DZIP1: variants seen among roughly 807,000 people sequenced by gnomAD.
DZIP1 encodes cilium assembly protein DZIP1.
In DZIP1, 97 loss-of-function variants were observed where a neutral mutation model predicts 107.6. That is an observed-to-expected ratio of 0.90 (90% confidence interval 0.77 to 1.07). The LOEUF is 1.07. Ranked by LOEUF, DZIP1 falls within the 50% of genes least tolerant of loss-of-function variation. The probability of loss-of-function intolerance (pLI) is 0.00; values close to 1 mark genes in which losing one functional copy is unlikely to be tolerated. For missense variants in DZIP1, 1,035 were observed against 1,063.6 expected (o/e 0.97, Z 0.37); for synonymous variants, 390 against 386.4 (o/e 1.01, Z -0.11).
At chr13:95,630,174 T>C in intron 6 of DZIP1, 61 bp from the exon 7 acceptor site, 14 of 1,564,832 alleles carry the variant, frequency 8.9e-6, no homozygotes, top group East Asian at 2.3e-5. Context: ...TGGAAACTTA[T>C]GGGGTACAGT....
intron 13 of DZIP1, 34 bp downstream of exon 13, chr13:95,609,423 C>T (rs758566495): frequency 1.4e-6 from 2 of 1,429,572 alleles, no homozygotes; most frequent in Non-Finnish European, 1.9e-6. Flanking sequence ...TTTAAAGATA[C>T]CTTTGGAGCC....
chr13:95,578,283 T>C lies in DZIP1; in HGVS notation c.*3951A>G. 3.9e-6 allele frequency: 1 copy of C among 253,372 alleles called. No homozygotes were observed. Among genetic ancestry groups the C allele is most frequent in the Non-Finnish European group, 7.6e-6 (1 of 132,258 alleles). The allele number at this position is 253,372 out of a possible 1,614,324, so 15.7% of individuals were successfully genotyped here. ...ATTTATATAGAACATGAAAAGCATT[T>C]AGTACCAAAGGTTCAAGAAGTATTC... On this transcript the variant is annotated 3_prime_UTR_variant, in exon 23 of 23. Coordinates refer to ENST00000376829, the MANE Select transcript of DZIP1 (RefSeq NM_198968.4).
chr13:95,615,230 T>C (rs1874906487), intron 10 of DZIP1, among the ~76,000 whole-genome samples: 1 of 152,122 alleles, frequency 6.6e-6, no homozygotes, highest in South Asian at 2.1e-4. Flanking sequence ...TGACAAAGTA[T>C]AAAAACTGTA....
intron 15 of DZIP1, 109 bp from the exon 16 acceptor site, chr13:95,594,195 G>C: frequency 1.1e-6 from 1 of 902,172 alleles, no homozygotes; most frequent in Non-Finnish European, 1.6e-6. Context: ...GTAAGTATTT[G>C]TGATGTTTTA....
At position 95,638,146 on chromosome 13, in the gene DZIP1, A is replaced by G. The variant is rs368521129; in HGVS notation, c.597+3149T>C. Among the ~76,000 whole-genome samples, 18 of 143,060 alleles carry G rather than the reference A, an allele frequency of 1.3e-4. 2 individuals are homozygous for G. The highest frequency in any genetic ancestry group is 1.0e-3 in the East Asian group (5 of 4,892). The allele number at this position is 143,060 out of a possible 152,430, so 93.9% of individuals were successfully genotyped here. A position where few individuals can be genotyped will look rare whatever the true frequency, so the allele number is the denominator to read the frequency against. On this transcript the variant is annotated intron_variant, in intron 5 of 22. Coordinates refer to ENST00000376829, the MANE Select transcript of DZIP1 (RefSeq NM_198968.4). Reference sequence around the variant, plus strand: ...CTCTTGTCACCCAGGATGGAGAGCAATGGCGTGATCCCAGCTCATTGCAAC... The same window carrying G: ...CTCTTGTCACCCAGGATGGAGAGCAGTGGCGTGATCCCAGCTCATTGCAAC...
At chr13:95,617,891 C>A in intron 10 of DZIP1, 2 of 518,782 alleles carry the variant, frequency 3.9e-6, no homozygotes, top group South Asian at 2.8e-5. Flanking sequence ...GTGGGCCCTG[C>A]AGACAGCCTG....
chr13:95,597,081 G>C (rs1229878317), intron 15 of DZIP1, among the ~76,000 whole-genome samples: 3 of 152,164 alleles, frequency 2.0e-5, no homozygotes, highest in African/African-American at 7.2e-5. Flanking sequence ...CCTAAATGTG[G>C]CAGCACCCAA....
chr13:95,589,904 G>T lies in DZIP1; in HGVS notation c.1872C>A (p.Thr624=), dbSNP rs776666096. The change falls in exon 18 of 23, where the codon ACC becomes ACA. Residue 624 remains threonine (T), a synonymous_variant. Transcript: ENST00000376829. ...SDQCSVSQMD[T]LSTGEVPKMI... is the part of the protein sequence containing the mutation. ...TTTTGGGTACTTCTCCAGTTGAAAG[G>T]GTATCCATTTGAGAAACACTGCACT... is the stretch of plus-strand genomic sequence containing the variant. 1 of 1,614,088 alleles carries T rather than the reference G, an allele frequency of 6.2e-7. No individual in the cohort carries two copies. Among genetic ancestry groups the T allele is most frequent in the Non-Finnish European group, 8.5e-7 (1 of 1,180,000 alleles).
intron 14 of DZIP1, among the ~76,000 whole-genome samples, chr13:95,599,718 CA>C (rs1425613399): frequency 2.0e-5 from 3 of 152,142 alleles, no homozygotes; most frequent in African/African-American, 7.2e-5. Flanking sequence ...TTTTAAGACA[CA>C]AGGGCACAAC....
intron 14 of DZIP1, among the ~76,000 whole-genome samples, chr13:95,602,931 G>A (rs745605391): frequency 6.6e-6 from 1 of 152,180 alleles, no homozygotes. Context: ...TCATGTATTG[G>A]ACAATAAACT....
At position 95,643,191 on chromosome 13, in the gene DZIP1, C is replaced by T. The variant is rs910347249; in HGVS notation, c.-361G>A. 6.6e-6 allele frequency: 1 copy of T among 152,094 alleles called. No individual in the cohort carries two copies. Among genetic ancestry groups the T allele is most frequent in the Non-Finnish European group, 1.5e-5 (1 of 68,018 alleles). The allele number at this position is 152,094 out of a possible 1,614,324, so 9.4% of individuals were successfully genotyped here. ...CAGAGATCAATAAGCTGAGGAAAAG[C>T]CAGACATTCCCCAATCCACCGGGGA... On this transcript the variant is annotated 5_prime_UTR_variant, in exon 3 of 23. The change creates a premature stop within an existing upstream ORF in the 5' untranslated region. Coordinates refer to ENST00000376829, the MANE Select transcript of DZIP1 (RefSeq NM_198968.4).
intron 5 of DZIP1, among the ~76,000 whole-genome samples, chr13:95,640,400 T>C (rs1021835904): frequency 6.6e-5 from 10 of 152,200 alleles, no homozygotes; most frequent in African/African-American, 2.4e-4. Context: ...CTCTCCAGCA[T>C]TCATGCATCA....
chr13:95,587,493 T>C (rs1384804177), intron 20 of DZIP1, 46 bp downstream of exon 20: 26 of 1,594,720 alleles, frequency 1.6e-5, no homozygotes, highest in Non-Finnish European at 2.1e-5. Context: ...TGAGGACAAC[T>C]GTCCTAAATA....
At chr13:95,629,371 G>A (rs1478563295) in intron 7 of DZIP1, among the ~76,000 whole-genome samples, 1 of 152,162 alleles carries the variant, frequency 6.6e-6, no homozygotes, top group African/African-American at 2.4e-5. Flanking sequence ...CTCTGAACAA[G>A]TCATTCCAAG....
At chr13:95,608,686 C>G (rs925704434) in intron 13 of DZIP1, among the ~76,000 whole-genome samples, 6 of 152,180 alleles carry the variant, frequency 3.9e-5, no homozygotes, top group African/African-American at 1.4e-4. Flanking sequence ...CTTCAAGAAG[C>G]CTCCAAGAAG....
intron 19 of DZIP1, 92 bp from the exon 20 acceptor site, chr13:95,587,821 C>G: frequency 5.0e-6 from 7 of 1,407,928 alleles, no homozygotes; most frequent in Non-Finnish European, 6.6e-6. Context: ...GTGGTGGCAC[C>G]TTTCTCAGGT....
In DZIP1 at chr13:95,639,606, A is replaced by G. The variant is rs537192066; in HGVS notation, c.597+1689T>C. Among the ~76,000 whole-genome samples the G allele has an allele frequency of 2.2e-3, 327 of 149,082 alleles. 2 individuals are homozygous for G. The highest frequency in any genetic ancestry group is 7.2e-3 in the African/African-American group (286 of 39,510). ...ACTCCATCTCAAAAAAAAAAAAAAA[A>G]AGAGAGAGAGAGAGAAAGAGAAAGA... On this transcript the variant is annotated intron_variant, in intron 5 of 22. Coordinates refer to ENST00000376829, the MANE Select transcript of DZIP1 (RefSeq NM_198968.4).
chr13:95,590,691 T>A (rs2044288642), intron 16 of DZIP1, among the ~76,000 whole-genome samples: 1 of 152,032 alleles, frequency 6.6e-6, no homozygotes, highest in Non-Finnish European at 1.5e-5. Flanking sequence ...ACCCAATGAG[T>A]CTACAAAGGC....
Position 95,609,452 on chromosome 13 carries a change from C to G in DZIP1, c.1420+5G>C. ...TGGAGCCCTGCATCTATTATAGGAA[C>G]TTACTAGGCACAGCTGGAGCAGCTG... On this transcript the variant is annotated splice_donor_5th_base_variant and intron_variant, in intron 13 of 22. Coordinates refer to ENST00000376829, the MANE Select transcript of DZIP1 (RefSeq NM_198968.4). 1 of 1,558,478 alleles carries G rather than the reference C, an allele frequency of 6.4e-7. No individual in the cohort carries two copies. Among genetic ancestry groups the G allele is most frequent in the Non-Finnish European group, 8.7e-7 (1 of 1,153,590 alleles).
Sources: allele counts gnomAD v4.1 joint callset (sites outside exome capture counted in the v4.1 genomes callset), GRCh38; gene constraint gnomAD v4.1.1; transcripts MANE v1.5; gene names NCBI Gene and HGNC (gene_info 2026-07-23, HGNC 2026-07-21).